Variants in KCNU1 observed in about 807,000 individuals in gnomAD.
KCNU1 encodes potassium calcium-activated channel subfamily U member 1.
A neutral mutation model predicts 126.8 loss-of-function variants in KCNU1; 93 were observed. The ratio of observed to expected loss-of-function variants is 0.73; its 90% CI spans 0.62 to 0.87. The LOEUF is 0.87. Ranked by LOEUF, KCNU1 falls within the 40% of genes least tolerant of loss-of-function variation. The pLI is 0.00. For synonymous variants in KCNU1, 523 were observed against 494.2 expected (o/e 1.06, Z -0.77); for missense variants, 1,330 against 1,367.1 (o/e 0.97, Z 0.43).
rs776989774 is a variant in KCNU1 at position 36,787,335 on chromosome 8, G to C, written c.225G>C (p.Arg75Ser). Residue 75 changes from arginine to serine, a missense_variant, in exon 2 of 27, where the codon AGG becomes AGC. Arg to Ser is a moderately radical substitution (Grantham distance 110). This residue lies in a region of KCNU1 where 247 missense variants were observed against 255.4 expected (regional missense o/e 0.97). Coordinates refer to ENST00000399881, the MANE Select transcript of KCNU1 (RefSeq NM_001031836.3). ...TGTTCACATCAGGTACCATCGCTAG[G>C]AGCCATGTAAGAAGCCTCCACTTCC... ...LELFTSGTIARSHVRSLHFQG... is the reference protein window; with the variant it reads ...LELFTSGTIASSHVRSLHFQG... The C allele has an allele frequency of 1.2e-6, 2 of 1,611,790 alleles. No homozygotes were observed. The highest frequency in any genetic ancestry group is 2.2e-5 in the South Asian group (2 of 90,712).
chr8:36,878,965 A>C (rs558129624), intron 19 of KCNU1, among the ~76,000 whole-genome samples: 1 of 147,714 alleles, frequency 6.8e-6, no homozygotes, highest in East Asian at 2.0e-4. Flanking sequence ...GAAAATTCAG[A>C]CTGGCTTTCC....
chr8:36,791,137 G>A (rs1434571967), intron 2 of KCNU1, among the ~76,000 whole-genome samples: 1 of 152,042 alleles, frequency 6.6e-6, no homozygotes, highest in Non-Finnish European at 1.5e-5. Flanking sequence ...AATATTAATA[G>A]AATATGACAA....
At chr8:36,923,174 T>G (rs967492557) in intron 24 of KCNU1, 1 of 426,302 alleles carries the variant, frequency 2.3e-6, no homozygotes, top group African/African-American at 2.0e-5. Context: ...TTTCCATCCA[T>G]TAGGATTCCC....
intron 10 of KCNU1, among the ~76,000 whole-genome samples, chr8:36,828,881 T>TA (rs1483075162): frequency 6.6e-6 from 1 of 152,118 alleles, no homozygotes; most frequent in Non-Finnish European, 1.5e-5. Context: ...CAGGAATGTG[T>TA]AAGAGACTTC....
At chr8:36,823,661 T>A (rs1383293025) in intron 10 of KCNU1, among the ~76,000 whole-genome samples, 1 of 151,926 alleles carries the variant, frequency 6.6e-6, no homozygotes, top group East Asian at 1.9e-4. Context: ...AGGTACCATA[T>A]GAATGCCAAT....
Position 36,840,483 on chromosome 8 carries a change from G to C in KCNU1, c.1539G>C (p.Trp513Cys), listed in dbSNP as rs1184712190. The change falls in exon 15 of 27, where the codon TGG (tryptophan) becomes TGC (cysteine). Residue 513 changes from tryptophan to cysteine, a missense_variant. Physicochemically the swap from Trp to Cys is radical, Grantham distance 215. Coordinates refer to ENST00000399881, the MANE Select transcript of KCNU1 (RefSeq NM_001031836.3). ...TCCAGGTTATGCCTAAACAGACCTG[G>C]AAGAAACACTTCTTGAATAGCATGA... ...QNKKVMPKQT[W>C]KKHFLNSMKN... is the part of the protein sequence containing the mutation. The C allele has an allele frequency of 1.0e-5, 16 of 1,603,656 alleles. No homozygotes were observed. The highest frequency in any genetic ancestry group is 1.4e-5 in the Non-Finnish European group (16 of 1,171,564).
intron 19 of KCNU1, among the ~76,000 whole-genome samples, chr8:36,865,346 ACT>A (rs1371248483): frequency 2.0e-5 from 3 of 152,128 alleles, no homozygotes; most frequent in Non-Finnish European, 2.9e-5. Flanking sequence ...CAGCAATCCT[ACT>A]TCTGGGCATT....
chr8:36,786,643 C>A (rs1302397658), intron 1 of KCNU1, among the ~76,000 whole-genome samples: 2 of 152,156 alleles, frequency 1.3e-5, no homozygotes, highest in African/African-American at 4.8e-5. Flanking sequence ...GCTCAGGCCC[C>A]AGCCTTTCCT....
chr8:36,909,546 T>C lies in KCNU1; in HGVS notation c.2331+11T>C. The C allele has an allele frequency of 7.0e-7, 1 of 1,436,530 alleles. No homozygotes were observed. Among genetic ancestry groups the C allele is most frequent in the Non-Finnish European group, 9.8e-7 (1 of 1,021,574 alleles). 89.0% of individuals were successfully genotyped at this position (1,436,530 alleles called of 1,614,324 possible). A position where few individuals can be genotyped will look rare whatever the true frequency, so the allele number is the denominator to read the frequency against. On this transcript the variant is annotated intron_variant, in intron 21 of 26. Transcript: ENST00000399881. ...ATATACATTCTGCCTGTAAGTATCATATAAGGAAAAGTTAATATTTATAAG... is the reference window on the plus strand; with the variant it reads ...ATATACATTCTGCCTGTAAGTATCACATAAGGAAAAGTTAATATTTATAAG...
Position 36,805,184 on chromosome 8 carries a change from T to G in KCNU1, c.378-11T>G. The G allele has an allele frequency of 6.3e-7, 1 of 1,597,574 alleles. No homozygotes were observed. Among genetic ancestry groups the G allele is most frequent in the Non-Finnish European group, 8.6e-7 (1 of 1,167,454 alleles). On this transcript the variant is annotated splice_polypyrimidine_tract_variant and intron_variant, in intron 3 of 26. Transcript: ENST00000399881. ...GTTGATCTTCACAAACTGTCCTTCT[T>G]TCTTTTCCAGCCCTGTTGGAAGCTG...
intron 19 of KCNU1, 24 bp downstream of exon 19, chr8:36,864,545 TCTC>T (rs750781096): frequency 7.3e-7 from 1 of 1,368,186 alleles, no homozygotes; most frequent in South Asian, 1.2e-5. Context: ...AGAACCCTGG[TCTC>T]CTATAGTTTT....
At chr8:36,809,070 T>C (rs997244649) in intron 7 of KCNU1, among the ~76,000 whole-genome samples, 5 of 152,140 alleles carry the variant, frequency 3.3e-5, no homozygotes, top group Non-Finnish European at 7.4e-5. Context: ...AGGTAAAATG[T>C]ATCACTATAT....
At position 36,784,419 on chromosome 8, in the gene KCNU1, G is replaced by C. The variant is rs972794580; in HGVS notation, c.9G>C (p.Gln3His). Residue 3 changes from glutamine to histidine, a missense_variant, in exon 1 of 27, where the codon CAG becomes CAC. By Grantham distance (24) the Gln-to-His change is conservative. Transcript: ENST00000399881. Reference protein sequence around the residue: MFQTKLRNETWED... With the variant: MFHTKLRNETWED... ...CTACTGATGTCTCGAACATGTTTCA[G>C]ACTAAGCTACGAAATGAAACTTGGG... The C allele has an allele frequency of 6.2e-7, 1 of 1,612,062 alleles. No homozygotes were observed. Among genetic ancestry groups the C allele is most frequent in the Non-Finnish European group, 8.5e-7 (1 of 1,178,980 alleles).
At chr8:36,860,864 T>A (rs1805704004) in intron 18 of KCNU1, among the ~76,000 whole-genome samples, 1 of 151,050 alleles carries the variant, frequency 6.6e-6, no homozygotes, top group South Asian at 2.1e-4. Context: ...GGTCCAAATA[T>A]GGATTTATTT....
At chr8:36,839,265 T>C (rs1432148562) in intron 14 of KCNU1, among the ~76,000 whole-genome samples, 2 of 152,214 alleles carry the variant, frequency 1.3e-5, no homozygotes, top group South Asian at 2.1e-4. Context: ...ACAGGCTTAC[T>C]TGAGCACCCA....
chr8:36,824,116 C>T (rs190188672), intron 10 of KCNU1, among the ~76,000 whole-genome samples: 40 of 152,266 alleles, frequency 2.6e-4, no homozygotes, highest in Middle Eastern at 3.4e-3. Context: ...GGATTGCAAG[C>T]GTGAGCCACC....
chr8:36,852,992 C>T (rs1563295933), intron 18 of KCNU1, among the ~76,000 whole-genome samples: 2 of 152,050 alleles, frequency 1.3e-5, no homozygotes, highest in African/African-American at 2.4e-5. Flanking sequence ...TGTTCAGTAT[C>T]ACCTAAGGTG....
intron 24 of KCNU1, among the ~76,000 whole-genome samples, chr8:36,923,774 G>A (rs1354639270): frequency 6.6e-6 from 1 of 152,160 alleles, no homozygotes; most frequent in Admixed American, 6.5e-5. Flanking sequence ...TACCCAATTT[G>A]CTAATAACCT....
chr8:36,824,026 A>G (rs1469022499), intron 10 of KCNU1, among the ~76,000 whole-genome samples: 2 of 152,028 alleles, frequency 1.3e-5, no homozygotes, highest in Non-Finnish European at 2.9e-5. Flanking sequence ...TAGTACAGAT[A>G]GAATATCACC....
Sources: gnomAD v4.1 joint callset for allele counts (sites outside exome capture counted in the v4.1 genomes callset) on GRCh38, gnomAD v4.1.1 for gene constraint, gnomAD v4.1.1 regional missense constraint, MANE v1.5 for transcripts, NCBI Gene and HGNC (gene_info 2026-07-23, HGNC 2026-07-21) for gene names.